Variants in HDAC9 observed in about 807,000 individuals in gnomAD.
HDAC9 encodes histone deacetylase 9, also known as MEF-2 interacting transcription repressor (MITR) protein.
In HDAC9, 41 loss-of-function variants were observed where a neutral mutation model predicts 139.4. The observed-to-expected ratio is 0.29, with a 90% CI of 0.23 to 0.38. The LOEUF is 0.38. Among genes scored for constraint, HDAC9 ranks in the 10% least tolerant of loss-of-function variants. The pLI is 1.00. For missense variants in HDAC9, 1,147 were observed against 1,297.0 expected (o/e 0.88, Z 1.78); for synonymous variants, 517 against 476.2 (o/e 1.09, Z -1.12).
At chr7:18,162,495 C>T (rs772240387) in intron 2 of HDAC9, 2 of 677,784 alleles carry the variant, frequency 3.0e-6, no homozygotes, top group South Asian at 1.9e-5. Flanking sequence ...TTGAATTTTG[C>T]ATTCGATAGC....
chr7:18,934,811 A>G (rs1323597481), intron 22 of HDAC9, among the ~76,000 whole-genome samples: 1 of 152,196 alleles, frequency 6.6e-6, no homozygotes, highest in Non-Finnish European at 1.5e-5. Flanking sequence ...TCTGTTTCAC[A>G]TGTGCATATG....
At chr7:18,761,376 A>G (rs1192007142) in intron 14 of HDAC9, among the ~76,000 whole-genome samples, 1 of 152,230 alleles carries the variant, frequency 6.6e-6, no homozygotes, top group Non-Finnish European at 1.5e-5. Flanking sequence ...TGTCTCAAAC[A>G]GTGTCTGATT....
intron 22 of HDAC9, among the ~76,000 whole-genome samples, chr7:18,901,689 A>G (rs879677929): frequency 6.6e-5 from 10 of 152,250 alleles, no homozygotes; most frequent in Middle Eastern, 6.8e-3. Flanking sequence ...ATCTCAACCC[A>G]CTTGGTTCGT....
chr7:18,821,668 G>T (rs1234437575), intron 17 of HDAC9, among the ~76,000 whole-genome samples: 3 of 152,174 alleles, frequency 2.0e-5, no homozygotes, highest in Non-Finnish European at 2.9e-5. Context: ...GACACTGACT[G>T]GATGTCCTAC....
At chr7:18,800,662 G>T (rs1246002592) in intron 17 of HDAC9, among the ~76,000 whole-genome samples, 6 of 151,962 alleles carry the variant, frequency 3.9e-5, no homozygotes, top group East Asian at 1.9e-4. Flanking sequence ...GCAAAACCCT[G>T]TCTCTACAAA....
chr7:18,895,433 G>T (rs894472375), intron 22 of HDAC9, among the ~76,000 whole-genome samples: 2 of 152,080 alleles, frequency 1.3e-5, no homozygotes, highest in African/African-American at 4.8e-5. Flanking sequence ...AAATTGAAAA[G>T]CTAGAAGGTG....
intron 21 of HDAC9, among the ~76,000 whole-genome samples, chr7:18,859,846 A>ATGTGTGTGTGTGTGTGTGTGTG (rs1465742573): frequency 3.0e-4 from 36 of 121,710 alleles, no homozygotes; most frequent in Non-Finnish European, 4.4e-4. Flanking sequence ...ATATATATAT[A>ATGTGTGTGTGTGTGTGTGTGTG]TATATATATA....
chr7:18,509,959 A>G lies in HDAC9; in HGVS notation c.22+13635A>G, dbSNP rs546375995. Reference sequence around the variant, plus strand: ...TAGCATATAATTGATCCCTGAGACTATTTTTAGATAAATGAATGATTAAAG... The same window carrying G: ...TAGCATATAATTGATCCCTGAGACTGTTTTTAGATAAATGAATGATTAAAG... On this transcript the variant is annotated intron_variant, in intron 2 of 25. Coordinates refer to ENST00000686413, the MANE Select transcript of HDAC9 (RefSeq NM_178425.4). Among the ~76,000 whole-genome samples the G allele has an allele frequency of 2.6e-5, 4 of 152,308 alleles. No individual in the cohort carries two copies. The South Asian group carries it at 6.2e-4, about 24-fold the overall frequency.
At chr7:18,576,758 C>T (rs1280905996) in intron 2 of HDAC9, among the ~76,000 whole-genome samples, 4 of 151,058 alleles carry the variant, frequency 2.6e-5, no homozygotes, top group Non-Finnish European at 5.9e-5. Context: ...CTTGTGTCTG[C>T]AATGATAAAA....
At chr7:18,099,395 G>C (rs1408719137) in intron 1 of HDAC9, among the ~76,000 whole-genome samples, 1 of 152,066 alleles carries the variant, frequency 6.6e-6, no homozygotes, top group East Asian at 1.9e-4. Flanking sequence ...TTGGACCCTG[G>C]AGGTGGAGGT....
rs549932222 is a variant in HDAC9, at chr7:18,438,043, C to T, written c.-41-58219C>T. On this transcript the variant is annotated intron_variant, in intron 1 of 3. Transcript: ENST00000413509. ...TGGACATCTTTATAACATGTATATA[C>T]ACTTTATATAAAGTGGTATATATAT... Among the ~76,000 whole-genome samples the T allele has an allele frequency of 4.3e-3, 642 of 150,704 alleles. 4 individuals are homozygous for T. Among genetic ancestry groups the T allele is most frequent in the African/African-American group, 0.015 (624 of 41,242 alleles).
chr7:18,123,830 T>A (rs1784499415), intron 1 of HDAC9, among the ~76,000 whole-genome samples: 1 of 152,182 alleles, frequency 6.6e-6, no homozygotes, highest in South Asian at 2.1e-4. Flanking sequence ...AACAGGCAGT[T>A]TAAGCAGTGG....
intron 1 of HDAC9, among the ~76,000 whole-genome samples, chr7:18,380,598 C>G (rs1190703759): frequency 6.6e-6 from 1 of 152,206 alleles, no homozygotes; most frequent in African/African-American, 2.4e-5. Context: ...TTGCCCTTGA[C>G]TCTCCTGGCA....
intron 1 of HDAC9, among the ~76,000 whole-genome samples, chr7:18,478,172 C>T (rs967263132): frequency 5.3e-5 from 8 of 151,966 alleles, no homozygotes; most frequent in Admixed American, 2.6e-4. Flanking sequence ...CCCGGGTTCA[C>T]GCCGTTTTCC....
At chr7:18,755,433 G>A (rs1236942290) in intron 14 of HDAC9, among the ~76,000 whole-genome samples, 1 of 152,086 alleles carries the variant, frequency 6.6e-6, no homozygotes, top group Non-Finnish European at 1.5e-5. Flanking sequence ...AATAAAAAGA[G>A]TTATATAATT....
chr7:18,677,722 T>C (rs1781610089), intron 12 of HDAC9, among the ~76,000 whole-genome samples: 2 of 151,960 alleles, frequency 1.3e-5, no homozygotes, highest in Non-Finnish European at 1.5e-5. Flanking sequence ...CTTTTTATTG[T>C]TGGTTATCAA....
At chr7:18,631,566 C>T (rs995626307) in intron 7 of HDAC9, among the ~76,000 whole-genome samples, 9 of 152,002 alleles carry the variant, frequency 5.9e-5, no homozygotes, top group African/African-American at 2.2e-4. Flanking sequence ...TATCCTCTTA[C>T]CTCTATGTCT....
At chr7:18,399,399 TA>T (rs1472419266) in intron 1 of HDAC9, among the ~76,000 whole-genome samples, 4 of 152,180 alleles carry the variant, frequency 2.6e-5, no homozygotes, top group African/African-American at 9.7e-5. Flanking sequence ...AATTCTGTGT[TA>T]TAAAAGGTAC....
intron 2 of HDAC9, among the ~76,000 whole-genome samples, chr7:18,282,340 C>G (rs1235334406): frequency 6.6e-6 from 1 of 152,170 alleles, no homozygotes; most frequent in Non-Finnish European, 1.5e-5. Flanking sequence ...AGTTTAATAA[C>G]ATTCTTAAGA....
Sources: gnomAD v4.1 joint callset for allele counts (sites outside exome capture counted in the v4.1 genomes callset) on GRCh38, gnomAD v4.1.1 for gene constraint, MANE v1.5 for transcripts, NCBI Gene and HGNC (gene_info 2026-07-23, HGNC 2026-07-21) for gene names.